The following CCDC69 variants were observed in gnomAD, a reference collection of about 807,000 sequenced individuals.
CCDC69 encodes coiled-coil domain containing 69, also known as coiled-coil domain-containing protein 69.
In CCDC69, 38 loss-of-function variants were observed where a neutral mutation model predicts 40.3. The ratio of observed to expected loss-of-function variants is 0.94; its 90% CI spans 0.73 to 1.24. CCDC69 has a LOEUF of 1.24. Among genes scored for constraint, CCDC69 ranks in the 50% most tolerant of loss-of-function variants. The pLI, the probability that CCDC69 is intolerant of heterozygous loss-of-function variation, is 0.00. For synonymous variants in CCDC69, 141 were observed against 138.9 expected, an observed-to-expected ratio of 1.02 and a Z score of -0.11; for missense variants, 389 against 357.9, an observed-to-expected ratio of 1.09 and a Z score of -0.70.
At chr5:151,187,679 T>G (rs1274568179) in intron 4 of CCDC69, among the ~76,000 whole-genome samples, 1 of 152,138 alleles carries the variant, frequency 6.6e-6, no homozygotes, top group Non-Finnish European at 1.5e-5. Flanking sequence ...TGAAATAAAC[T>G]ATAGCCTGGG....
chr5:151,187,587 C>A, intron 4 of CCDC69, 128 bp from the exon 5 acceptor site: 1 of 669,716 alleles, frequency 1.5e-6, no homozygotes, highest in South Asian at 1.7e-5. Context: ...TAGGAACGGT[C>A]TTATTCATCC....
chr5:151,200,736 C>A (rs756739505), intron 3 of CCDC69, among the ~76,000 whole-genome samples: 1 of 152,292 alleles, frequency 6.6e-6, no homozygotes, highest in South Asian at 2.1e-4. Flanking sequence ...TGTTTCATGG[C>A]CTTGACATTT....
At chr5:151,202,201 A>G (rs4496698) in intron 2 of CCDC69, among the ~76,000 whole-genome samples, 9 of 93,564 alleles carry the variant, frequency 9.6e-5, no homozygotes, top group South Asian at 3.6e-4. Flanking sequence ...AAAAAAAAAA[A>G]AAAAAAAAAA....
At chr5:151,203,866 AAT>A (rs1752814647) in intron 2 of CCDC69, among the ~76,000 whole-genome samples, 1 of 140,976 alleles carries the variant, frequency 7.1e-6, no homozygotes, top group Non-Finnish European at 1.5e-5. Context: ...ATATATATAA[AAT>A]ATATATCGTA....
intron 1 of CCDC69, among the ~76,000 whole-genome samples, chr5:151,207,679 C>T (rs1487484762): frequency 6.6e-6 from 1 of 152,164 alleles, no homozygotes; most frequent in African/African-American, 2.4e-5. Flanking sequence ...TAAGAACAGT[C>T]TTCCAGGAAA....
At chr5:151,212,809 G>C (rs922517622) in intron 1 of CCDC69, 22 of 456,016 alleles carry the variant, frequency 4.8e-5, no homozygotes, top group African/African-American at 3.2e-4. Context: ...AGCCTTGGAG[G>C]ACAGGATTGT....
intron 4 of CCDC69, among the ~76,000 whole-genome samples, chr5:151,189,847 T>C (rs570229918): frequency 1.3e-5 from 2 of 152,364 alleles, no homozygotes; most frequent in South Asian, 4.1e-4. Flanking sequence ...TGGAAAATGT[T>C]GATGTTCATA....
rs772900477 is a variant in CCDC69 at position 151,183,428 on chromosome 5, C to T, written c.*9G>A. 1 of 1,596,982 alleles carries T rather than the reference C, an allele frequency of 6.3e-7. No individual in the cohort carries two copies. Among genetic ancestry groups the T allele is most frequent in the South Asian group, 1.1e-5 (1 of 87,516 alleles). On this transcript the variant is annotated 3_prime_UTR_variant, in exon 9 of 9. Coordinates refer to ENST00000355417, the MANE Select transcript of CCDC69 (RefSeq NM_015621.3). ...CTTCAGGCGTCGTGGTGGGCCCAGGCCCTGCACCCTATGTGGCGAGGAAAG... is the reference window on the plus strand; with the variant it reads ...CTTCAGGCGTCGTGGTGGGCCCAGGTCCTGCACCCTATGTGGCGAGGAAAG...
intron 3 of CCDC69, among the ~76,000 whole-genome samples, chr5:151,201,269 T>C (rs1244890464): frequency 1.3e-5 from 2 of 152,188 alleles, no homozygotes; most frequent in Non-Finnish European, 2.9e-5. Flanking sequence ...CAGAACGAGT[T>C]CCGTGGTCCC....
intron 2 of CCDC69, among the ~76,000 whole-genome samples, chr5:151,202,728 A>G (rs760782409): frequency 5.9e-5 from 9 of 152,166 alleles, no homozygotes; most frequent in South Asian, 4.1e-4. Context: ...CACAAACAGG[A>G]AGTCTAGCCC....
At chr5:151,208,543 C>T (rs886147019) in intron 1 of CCDC69, among the ~76,000 whole-genome samples, 2 of 152,210 alleles carry the variant, frequency 1.3e-5, no homozygotes, top group Non-Finnish European at 2.9e-5. Context: ...GCAGACCTGA[C>T]AATTTAGCTC....
chr5:151,221,720 C>A (rs926759924), intron 1 of CCDC69, among the ~76,000 whole-genome samples: 1 of 152,194 alleles, frequency 6.6e-6, no homozygotes, highest in Non-Finnish European at 1.5e-5. Context: ...TGAGACTGGG[C>A]GGGATGTGAA....
chr5:151,190,246 T>C (rs1195201956), intron 4 of CCDC69, among the ~76,000 whole-genome samples: 2 of 152,358 alleles, frequency 1.3e-5, no homozygotes, highest in East Asian at 3.9e-4. Flanking sequence ...GCAAAAATTA[T>C]AACCTTGTCT....
At chr5:151,215,938 A>C (rs1427685805) in intron 1 of CCDC69, among the ~76,000 whole-genome samples, 1 of 152,232 alleles carries the variant, frequency 6.6e-6, no homozygotes, top group Non-Finnish European at 1.5e-5. Context: ...CTTTATGTAC[A>C]AAGATGGAAA....
At chr5:151,198,767 A>T (rs1752736728) in intron 4 of CCDC69, 1 of 435,486 alleles carries the variant, frequency 2.3e-6, no homozygotes, top group Non-Finnish European at 4.1e-6. Context: ...AAAGAAAAAA[A>T]TACCTCTCAA....
rs529499120 is a variant in CCDC69, at chr5:151,214,713, C to T, written c.48+9210G>A. ...GGGACACGGCCTATGCTCTGAACAC[C>T]TGCAGGACCCCCAGAGCACACAAGT... On this transcript the variant is annotated intron_variant, in intron 1 of 8. Transcript: ENST00000355417. Among the ~76,000 whole-genome samples, 3 of 152,326 alleles carry T rather than the reference C, an allele frequency of 2.0e-5. No individual in the cohort carries two copies. The South Asian group carries it at 6.2e-4, about 32-fold the overall frequency.
chr5:151,185,551 G>T lies in CCDC69; in HGVS notation c.496-10C>A, dbSNP rs1554088867. The T allele has an allele frequency of 2.0e-5, 33 of 1,613,738 alleles. No individual in the cohort carries two copies. Among genetic ancestry groups the T allele is most frequent in the East Asian group, 4.5e-5 (2 of 44,858 alleles). ...TGGGGCTCCCATAATCCTAGACAGG[G>T]ACAGAGTGACCTCATTAGGCCAGTA... On this transcript the variant is annotated splice_polypyrimidine_tract_variant and intron_variant, in intron 6 of 8. Coordinates refer to ENST00000355417, the MANE Select transcript of CCDC69 (RefSeq NM_015621.3).
intron 1 of CCDC69, among the ~76,000 whole-genome samples, chr5:151,208,451 G>A (rs982570531): frequency 6.6e-6 from 1 of 152,238 alleles, no homozygotes; most frequent in Admixed American, 6.5e-5. Flanking sequence ...CACAGAGCCT[G>A]GCATGTGTAA....
chr5:151,183,958 T>C (rs1766681915), intron 8 of CCDC69, among the ~76,000 whole-genome samples: 1 of 152,176 alleles, frequency 6.6e-6, no homozygotes, highest in Admixed American at 6.5e-5. Context: ...GAGGATTAGA[T>C]GAGAAAATAT....
Sources: gnomAD v4.1 joint callset for allele counts (sites outside exome capture counted in the v4.1 genomes callset) on GRCh38, gnomAD v4.1.1 for gene constraint, MANE v1.5 for transcripts, NCBI Gene and HGNC (gene_info 2026-07-23, HGNC 2026-07-21) for gene names.